PTPRM: variants seen among roughly 807,000 people sequenced by gnomAD.
The protein encoded by PTPRM is receptor-type tyrosine-protein phosphatase mu.
Under a neutral mutation model 186.7 loss-of-function variants are expected in PTPRM, and 47 were observed. That is an observed-to-expected ratio of 0.25 (90% CI 0.20 to 0.32). PTPRM has a LOEUF of 0.32. Ranked by LOEUF, PTPRM falls within the 10% of genes least tolerant of loss-of-function variation. The pLI is 1.00. For missense variants in PTPRM, 1,494 were observed against 1,865.0 expected (o/e 0.80, Z 3.66); for synonymous variants, 668 against 674.9 (o/e 0.99, Z 0.16).
intron 7 of PTPRM, among the ~76,000 whole-genome samples, chr18:7,974,831 G>A (rs1160777147): frequency 6.6e-6 from 1 of 152,192 alleles, no homozygotes; most frequent in Admixed American, 6.5e-5. Context: ...ATAACTAGCA[G>A]ATTTTCATGG....
chr18:8,298,450 C>T (rs1228855819), intron 20 of PTPRM, among the ~76,000 whole-genome samples: 1 of 152,178 alleles, frequency 6.6e-6, no homozygotes, highest in African/African-American at 2.4e-5. Context: ...GGGGTGTAGC[C>T]TTGGGTATGC....
intron 1 of PTPRM, among the ~76,000 whole-genome samples, chr18:7,767,294 T>C (rs777351971): frequency 1.3e-5 from 2 of 152,232 alleles, no homozygotes; most frequent in Non-Finnish European, 2.9e-5. Context: ...ATGATAAATA[T>C]TTGTATATCT....
chr18:7,881,883 C>T (rs1369715697), intron 2 of PTPRM, among the ~76,000 whole-genome samples: 1 of 152,160 alleles, frequency 6.6e-6, no homozygotes, highest in Admixed American at 6.5e-5. Flanking sequence ...TTTCCCTCTT[C>T]ATTTTCTTCT....
At chr18:8,110,744 C>T (rs2091717343) in intron 11 of PTPRM, among the ~76,000 whole-genome samples, 1 of 152,116 alleles carries the variant, frequency 6.6e-6, no homozygotes, top group Non-Finnish European at 1.5e-5. Context: ...TGAATGATTC[C>T]TCAATCATTC....
At chr18:8,052,939 G>A (rs1431505764) in intron 7 of PTPRM, among the ~76,000 whole-genome samples, 3 of 152,156 alleles carry the variant, frequency 2.0e-5, no homozygotes, top group African/African-American at 7.2e-5. Context: ...TATTAAGCTT[G>A]AGCATATTTT....
intron 19 of PTPRM, among the ~76,000 whole-genome samples, chr18:8,259,238 T>A (rs2094603734): frequency 6.6e-6 from 1 of 152,206 alleles, no homozygotes; most frequent in Non-Finnish European, 1.5e-5. Context: ...CATGAGCTGC[T>A]GTGCTCGGCC....
intron 2 of PTPRM, among the ~76,000 whole-genome samples, chr18:7,835,034 CTGTT>C (rs1008211551): frequency 1.9e-5 from 1 of 51,616 alleles, no homozygotes; most frequent in African/African-American, 7.6e-5. Flanking sequence ...AAATGTTTGT[CTGTT>C]TAACTTTTCA....
intron 7 of PTPRM, among the ~76,000 whole-genome samples, chr18:7,972,680 A>G (rs1030908882): frequency 1.4e-4 from 21 of 152,068 alleles, no homozygotes; most frequent in African/African-American, 4.6e-4. Context: ...CATGATAAAT[A>G]ACATTTTACT....
In PTPRM at chr18:8,118,538, G is replaced by T. The variant is rs369102837; in HGVS notation, c.2167+3711G>T. 3.1e-3 allele frequency among the ~76,000 whole-genome samples: 467 copies of T among 152,182 alleles called. 2 individuals are homozygous for T. The highest frequency in any genetic ancestry group is 5.7e-3 in the Non-Finnish European group (387 of 67,982). ...GATTTGGCTGGGCATGGTGGCTCAC[G>T]CCTGTAATCCCAGCACTTTGGGAGG... On this transcript the variant is annotated intron_variant, in intron 13 of 32. Coordinates refer to ENST00000580170, the MANE Select transcript of PTPRM (RefSeq NM_001105244.2).
chr18:8,174,569 A>T (rs1053312673), intron 14 of PTPRM, among the ~76,000 whole-genome samples: 6 of 152,216 alleles, frequency 3.9e-5, no homozygotes, highest in Non-Finnish European at 7.3e-5. Context: ...AGTGTGGAGG[A>T]TTATTGAGCT....
chr18:8,377,644 C>T (rs1477936673), intron 26 of PTPRM: 2 of 151,898 alleles, frequency 1.3e-5, no homozygotes, highest in Non-Finnish European at 2.9e-5. Context: ...TTTAAACTTC[C>T]CATATAACTA....
intron 1 of PTPRM, among the ~76,000 whole-genome samples, chr18:7,594,566 C>T (rs992474849): frequency 2.0e-5 from 3 of 151,968 alleles, no homozygotes; most frequent in East Asian, 1.9e-4. Flanking sequence ...GTGTGTATAT[C>T]GCTCATTAGA....
intron 1 of PTPRM, among the ~76,000 whole-genome samples, chr18:7,729,866 A>G (rs1018372928): frequency 1.2e-4 from 19 of 152,338 alleles, no homozygotes; most frequent in African/African-American, 4.6e-4. Flanking sequence ...TGATAAAATA[A>G]TGAATTAAAG....
intron 31 of PTPRM, among the ~76,000 whole-genome samples, chr18:8,388,113 A>G (rs2095789688): frequency 6.6e-6 from 1 of 152,210 alleles, no homozygotes; most frequent in Admixed American, 6.5e-5. Flanking sequence ...TTCTCAAAGC[A>G]CTTTCACCTG....
chr18:8,100,170 A>G (rs1433426814), intron 11 of PTPRM, among the ~76,000 whole-genome samples: 1 of 151,668 alleles, frequency 6.6e-6, no homozygotes, highest in Non-Finnish European at 1.5e-5. Flanking sequence ...ACGGAGTCTT[A>G]CTCTGTCACC....
chr18:7,958,206 G>GC (rs2053437423), intron 7 of PTPRM, among the ~76,000 whole-genome samples: 1 of 52,252 alleles, frequency 1.9e-5, no homozygotes, highest in African/African-American at 7.3e-5. Flanking sequence ...ACCATCCCCT[G>GC]CAAAAAAAAA....
intron 1 of PTPRM, among the ~76,000 whole-genome samples, chr18:7,658,330 T>TTATATATATATATATATATA (rs34009975): frequency 2.1e-4 from 26 of 124,422 alleles, no homozygotes; most frequent in African/African-American, 7.7e-4. Flanking sequence ...TAAAGTAAAT[T>TTATATATATATATATATATA]TATATATATA....
chr18:7,959,296 A>G (rs957951183), intron 7 of PTPRM, among the ~76,000 whole-genome samples: 4 of 152,222 alleles, frequency 2.6e-5, no homozygotes, highest in African/African-American at 9.6e-5. Context: ...TGGGAAATCT[A>G]AAATCTGAGA....
chr18:8,337,780 G>A (rs141150509), intron 22 of PTPRM, among the ~76,000 whole-genome samples: 2 of 152,170 alleles, frequency 1.3e-5, no homozygotes, highest in Admixed American at 6.5e-5. Context: ...GCGGGAGGAC[G>A]CTGGGAAGGA....
Sources: allele counts gnomAD v4.1 joint callset (sites outside exome capture counted in the v4.1 genomes callset), GRCh38; gene constraint gnomAD v4.1.1; transcripts MANE v1.5; gene names NCBI Gene and HGNC (gene_info 2026-07-23, HGNC 2026-07-21).